CDC27: variants seen among roughly 807,000 people sequenced by gnomAD.
The protein encoded by CDC27 is cell division cycle protein 27 homolog.
CDC27 carries 27 observed loss-of-function variants against 109.7 expected under a neutral mutation model. The ratio of observed to expected loss-of-function variants is 0.25; its 90% CI spans 0.18 to 0.34. The LOEUF is 0.34. Ranked by LOEUF, CDC27 falls within the 10% of genes least tolerant of loss-of-function variation. The probability of loss-of-function intolerance (pLI) is 1.00; values close to 1 mark genes in which losing one functional copy is unlikely to be tolerated. For missense variants in CDC27, 579 were observed against 960.2 expected, an observed-to-expected ratio of 0.60 and a Z score of 5.25; for synonymous variants, 266 against 333.9, an observed-to-expected ratio of 0.80 and a Z score of 2.22.
chr17:47,182,792 TTTTTG>T (rs919507771), intron 1 of CDC27, among the ~76,000 whole-genome samples: 1 of 152,232 alleles, frequency 6.6e-6, no homozygotes, highest in Non-Finnish European at 1.5e-5. Context: ...CTAGGGTGTT[TTTTTG>T]TTTTGTTTTG....
chr17:47,129,524 G>T lies in CDC27; in HGVS notation c.2032-3C>A. On this transcript the variant is annotated splice_region_variant and splice_polypyrimidine_tract_variant and intron_variant, in intron 15 of 18. Transcript: ENST00000066544. ...GATTTTTTCAGTGCATGTTGAACCT[G>T]TAAGAAATAAAGATCATGTTAATAC... 1 of 1,589,544 alleles carries T rather than the reference G, an allele frequency of 6.3e-7. No individual in the cohort carries two copies. Among genetic ancestry groups the T allele is most frequent in the African/African-American group, 1.4e-5 (1 of 73,748 alleles).
intron 8 of CDC27, 28 bp from the exon 9 acceptor site, chr17:47,151,946 G>C (rs752792423): frequency 6.3e-7 from 1 of 1,588,134 alleles, no homozygotes; most frequent in Non-Finnish European, 8.6e-7. Flanking sequence ...TCTAAGGTTT[G>C]TGAATTATGG....
chr17:47,137,330 G>T lies in CDC27; in HGVS notation c.1735C>A (p.Leu579Met). The T allele has an allele frequency of 6.2e-7, 1 of 1,605,050 alleles. No homozygotes were observed. Among genetic ancestry groups the T allele is most frequent in the Non-Finnish European group, 8.5e-7 (1 of 1,176,522 alleles). Residue 579 changes from leucine to methionine, a missense_variant, in exon 14 of 19, where the codon CTG (leucine) becomes ATG (methionine). By Grantham distance (15) the Leu-to-Met change is conservative (BLOSUM62 2). Coordinates refer to ENST00000066544, the MANE Select transcript of CDC27 (RefSeq NM_001256.6). ...AWCAAGNCFS[L>M]QREHDIAIKF... ...ATTGCAATATCATGTTCCCGTTGCA[G>T]ACTGAAACAGTTCCCTGCAGCACAC...
At chr17:47,153,121 C>A (rs899056380) in intron 8 of CDC27, among the ~76,000 whole-genome samples, 1 of 152,158 alleles carries the variant, frequency 6.6e-6, no homozygotes, top group South Asian at 2.1e-4. Flanking sequence ...TCTGGCTTTT[C>A]CTTATTTATC....
intron 9 of CDC27, among the ~76,000 whole-genome samples, chr17:47,145,851 C>T (rs143635967): frequency 0.11 from 16,372 of 151,450 alleles, 1,303 homozygotes; most frequent in East Asian, 0.47. Context: ...GAGCCAAGAT[C>T]GTGCCATTGC....
intron 1 of CDC27, among the ~76,000 whole-genome samples, chr17:47,187,321 G>C (rs2064477168): frequency 6.6e-6 from 1 of 151,816 alleles, no homozygotes; most frequent in Admixed American, 6.6e-5. Flanking sequence ...TTTATTTTGA[G>C]ATGGAGTCTC....
intron 18 of CDC27, 141 bp from the exon 19 acceptor site, chr17:47,121,158 T>G (rs1170098504): frequency 1.6e-6 from 1 of 613,312 alleles, no homozygotes; most frequent in African/African-American, 1.9e-5. Context: ...TCATATCCTT[T>G]AATAAAATGC....
chr17:47,189,086 A>C, intron 1 of CDC27, 60 bp downstream of exon 1: 2 of 1,577,606 alleles, frequency 1.3e-6, no homozygotes, highest in Non-Finnish European at 1.7e-6. Context: ...GAGTGGCCCT[A>C]CGCTGCTGCT....
Position 47,137,345 on chromosome 17 carries a change from C to A in CDC27, c.1720G>T (p.Gly574Trp). The change falls in exon 14 of 19, where the codon GGG becomes TGG. Residue 574 changes from glycine to tryptophan, a missense_variant. Around this residue, in one of 9 missense-constraint regions of CDC27, gnomAD observed 227 missense variants for 363.6 expected, o/e 0.62. Coordinates refer to ENST00000066544, the MANE Select transcript of CDC27 (RefSeq NM_001256.6). ...TCCCGTTGCAGACTGAAACAGTTCC[C>A]TGCAGCACACCAGGCCTTAAAAAAA... ...KNSPEAWCAA[G>W]NCFSLQREHD... is the part of the protein sequence containing the mutation. 1.3e-6 allele frequency: 2 copies of A among 1,593,246 alleles called. No individual in the cohort carries two copies.
Position 47,160,466 on chromosome 17 carries a change from T to C in CDC27, c.378-2163A>G, listed in dbSNP as rs145466111. Among the ~76,000 whole-genome samples the C allele has an allele frequency of 4.3e-3, 651 of 152,274 alleles. 19 individuals carry two copies. Among genetic ancestry groups the C allele is most frequent in the Admixed American group, 0.029 (437 of 15,296 alleles). On this transcript the variant is annotated intron_variant, in intron 4 of 18. Coordinates refer to ENST00000066544, the MANE Select transcript of CDC27 (RefSeq NM_001256.6). The stretch of plus-strand genomic sequence containing the variant: ...TTTTTGAACTCCTGGACTCAAGTGA[T>C]CCACCCGCTTCAGCCTCCCAAAGTG...
chr17:47,181,459 A>C, intron 2 of CDC27, 103 bp downstream of exon 2: 1 of 618,260 alleles, frequency 1.6e-6, no homozygotes, highest in Non-Finnish European at 2.9e-6. Flanking sequence ...TCAGAAAAAC[A>C]ACAAGATGAT....
chr17:47,143,984 T>TAA lies in CDC27; in HGVS notation c.1071-4_1071-3dup. The TAA allele has an allele frequency of 1.5e-6, 2 of 1,319,570 alleles. No homozygotes were observed. The highest frequency in any genetic ancestry group is 2.0e-6 in the Non-Finnish European group (2 of 997,348). The allele number at this position is 1,319,570 out of a possible 1,614,324, so 81.7% of individuals were successfully genotyped here. A position where few individuals can be genotyped will look rare whatever the true frequency, so the allele number is the denominator to read the frequency against. On this transcript the variant is annotated splice_polypyrimidine_tract_variant and splice_region_variant and intron_variant, in intron 9 of 18. Coordinates refer to ENST00000066544, the MANE Select transcript of CDC27 (RefSeq NM_001256.6). ...GGGCTCAATACCTGAGGTGTTGTAC[T>TAA]AAAAAAAAATTATAAAGGAAGACAT... is the stretch of plus-strand genomic sequence containing the variant.
In CDC27 at chr17:47,176,351, G is replaced by A. The variant is rs1044117124; in HGVS notation, c.104-4287C>T. ...CATTTCATCTACATATGCAAATTTA[G>A]CATATGAATACTATTCTCAATGTTT... On this transcript the variant is annotated intron_variant, in intron 2 of 18. Transcript: ENST00000066544. Among the ~76,000 whole-genome samples, 3 of 151,920 alleles carry A rather than the reference G, an allele frequency of 2.0e-5. No homozygotes were observed. The East Asian group carries it at 5.8e-4, about 29-fold the overall frequency.
At chr17:47,179,087 G>C (rs145390571) in intron 2 of CDC27, among the ~76,000 whole-genome samples, 8 of 152,228 alleles carry the variant, frequency 5.3e-5, no homozygotes, top group Non-Finnish European at 7.4e-5. Context: ...TCATTCTGCT[G>C]TTCCTTCTTT....
chr17:47,144,490 G>T (rs1434504049), intron 9 of CDC27, among the ~76,000 whole-genome samples: 3 of 152,134 alleles, frequency 2.0e-5, no homozygotes, highest in Non-Finnish European at 4.4e-5. Context: ...TCTAAATGTG[G>T]GGTATTTGTT....
In CDC27 at chr17:47,143,967, T is replaced by C; in HGVS notation, c.1086A>G (p.Val362=). 1.4e-6 allele frequency: 2 copies of C among 1,451,916 alleles called. No individual in the cohort carries two copies. The highest frequency in any genetic ancestry group is 1.8e-6 in the Non-Finnish European group (2 of 1,090,720). The allele number at this position is 1,451,916 out of a possible 1,614,324, so 89.9% of individuals were successfully genotyped here. ...GGGGAGATGTAATAGTGGGGCTCAA[T>C]ACCTGAGGTGTTGTACTAAAAAAAA... is the stretch of plus-strand genomic sequence containing the variant. ...SGPQTSTTPQ[V]LSPTITSPPN... is the part of the protein sequence containing the mutation. Residue 362 remains valine (V), a synonymous_variant, in exon 10 of 19, where the codon GTA becomes GTG. Coordinates refer to ENST00000066544, the MANE Select transcript of CDC27 (RefSeq NM_001256.6).
intron 3 of CDC27, among the ~76,000 whole-genome samples, chr17:47,171,414 T>A (rs960383211): frequency 1.3e-5 from 2 of 152,332 alleles, no homozygotes; most frequent in African/African-American, 4.8e-5. Context: ...TTATTCCATC[T>A]CTTACAGTAC....
intron 2 of CDC27, 82 bp from the exon 3 acceptor site, chr17:47,172,146 C>CA (rs530508113): frequency 0.021 from 13,460 of 644,594 alleles, 7 homozygotes; most frequent in South Asian, 0.032. Flanking sequence ...ACAAGTTTAG[C>CA]AAAAAAAAAA....
chr17:47,145,885 G>A (rs113176853), intron 9 of CDC27, among the ~76,000 whole-genome samples: 42 of 151,480 alleles, frequency 2.8e-4, no homozygotes, highest in African/African-American at 9.2e-4. Context: ...CGACAACAGC[G>A]AAACTCTGTC....
Sources: gnomAD v4.1 joint callset for allele counts (sites outside exome capture counted in the v4.1 genomes callset) on GRCh38, gnomAD v4.1.1 for gene constraint, gnomAD v4.1.1 regional missense constraint, MANE v1.5 for transcripts, NCBI Gene and HGNC (gene_info 2026-07-23, HGNC 2026-07-21) for gene names.